CRACD: variants seen among roughly 807,000 people sequenced by gnomAD.
CRACD encodes the protein capping protein inhibiting regulator of actin dynamics.
Under a neutral mutation model 106.8 loss-of-function variants are expected in CRACD, and 56 were observed. That is an observed-to-expected ratio of 0.52 (90% CI 0.42 to 0.66). The LOEUF is 0.66. Among genes scored for constraint, CRACD ranks in the 30% least tolerant of loss-of-function variants. The pLI is 0.00. For missense variants in CRACD, 1,730 were observed against 1,623.2 expected (o/e 1.07, Z -1.13); for synonymous variants, 754 against 670.8 (o/e 1.12, Z -1.92).
intron 1 of CRACD, among the ~76,000 whole-genome samples, chr4:56,112,849 G>T (rs1734163858): frequency 6.6e-6 from 1 of 151,928 alleles, no homozygotes; most frequent in Non-Finnish European, 1.5e-5. Flanking sequence ...ATGCTTGGAG[G>T]GCCCCATGGG....
Position 56,323,545 on chromosome 4 carries a change from C to T in CRACD, c.3356C>T (p.Ala1119Val). The change falls in exon 9 of 11, where the codon GCA (alanine) becomes GTA (valine). Residue 1119 changes from alanine to valine, a missense_variant. Physicochemically the swap from Ala to Val is moderately conservative, Grantham distance 64. Coordinates refer to ENST00000682029, the MANE Select transcript of CRACD (RefSeq NM_001393381.1). ...AAGCAAGCCAGAGAGGCCAAACAGG[C>T]AGAAAAGCTCTCCAAAGAAAATGTG... ...ERKQAREAKQAEKLSKENVSV... is the reference protein window; with the variant it reads ...ERKQAREAKQVEKLSKENVSV... The T allele has an allele frequency of 6.3e-7, 1 of 1,580,082 alleles. No individual in the cohort carries two copies.
At chr4:56,172,246 G>C (rs1736399781) in intron 1 of CRACD, among the ~76,000 whole-genome samples, 1 of 152,090 alleles carries the variant, frequency 6.6e-6, no homozygotes, top group Non-Finnish European at 1.5e-5. Context: ...ACTGCTCAAA[G>C]TGACCACATT....
chr4:56,140,006 A>G (rs2109876074), intron 1 of CRACD, among the ~76,000 whole-genome samples: 1 of 152,254 alleles, frequency 6.6e-6, no homozygotes, highest in South Asian at 2.1e-4. Context: ...TGTTTTCGCA[A>G]ATTTTTTCCT....
At chr4:56,134,119 T>C (rs1179778998) in intron 1 of CRACD, among the ~76,000 whole-genome samples, 2 of 151,872 alleles carry the variant, frequency 1.3e-5, no homozygotes, top group Non-Finnish European at 2.9e-5. Flanking sequence ...GAGGATCACC[T>C]GAGCCCAGGA....
intron 9 of CRACD, 23 bp from the exon 10 acceptor site, chr4:56,324,081 C>T: frequency 6.3e-7 from 1 of 1,587,900 alleles, no homozygotes; most frequent in Non-Finnish European, 8.6e-7. Flanking sequence ...ACATGTTTCC[C>T]ATGACTGTCT....
intron 2 of CRACD, among the ~76,000 whole-genome samples, chr4:56,195,530 A>G (rs1233648368): frequency 6.6e-6 from 1 of 152,236 alleles, no homozygotes; most frequent in African/African-American, 2.4e-5. Context: ...CTATGGGCAT[A>G]TGCTAGAAAA....
chr4:56,311,488 C>T (rs551422813), intron 6 of CRACD: 4 of 152,288 alleles, frequency 2.6e-5, no homozygotes, highest in African/African-American at 4.8e-5. Context: ...CATTTGGCTC[C>T]GACTCCTTTT....
intron 3 of CRACD, among the ~76,000 whole-genome samples, chr4:56,280,200 G>A (rs1028529194): frequency 2.1e-4 from 31 of 150,802 alleles, no homozygotes; most frequent in Non-Finnish European, 4.3e-4. Context: ...GTTAAATGAC[G>A]AGTTAATGGG....
At chr4:56,191,389 CTTCCTCCCTCCCTCCCTCTG>C (rs1737361624) in intron 2 of CRACD, among the ~76,000 whole-genome samples, 1 of 151,902 alleles carries the variant, frequency 6.6e-6, no homozygotes, top group Non-Finnish European at 1.5e-5. Flanking sequence ...CCCTCCCTCC[CTTCCTCCCTCCCTCCCTCTG>C]TTCCTCCCTG....
chr4:56,078,396 C>T (rs115546079), intron 1 of CRACD, among the ~76,000 whole-genome samples: 3,662 of 151,888 alleles, frequency 0.024, 65 homozygotes, highest in Admixed American at 0.058. Flanking sequence ...GAACAGGATA[C>T]CATTTGGTCC....
Position 56,314,851 on chromosome 4 carries a change from T to C in CRACD, c.1349T>C (p.Ile450Thr), listed in dbSNP as rs1192674173. The C allele has an allele frequency of 6.2e-7, 1 of 1,611,810 alleles. No individual in the cohort carries two copies. ...GQREHSEEPG[I>T]CEEQNPEAER... ...AGAGAACACTCCGAGGAGCCAGGTA[T>C]TTGCGAGGAGCAGAACCCAGAGGCC... Residue 450 changes from isoleucine (I) to threonine (T), a missense_variant, in exon 8 of 11, where the codon ATT becomes ACT. By Grantham distance (89) the Ile-to-Thr change is moderately conservative. Transcript: ENST00000682029. The surrounding 1 kb of genome is among the most constrained non-coding windows in gnomAD (Gnocchi z 4.4).
chr4:56,238,265 G>A (rs1046249867), intron 2 of CRACD, among the ~76,000 whole-genome samples: 2 of 152,196 alleles, frequency 1.3e-5, no homozygotes, highest in African/African-American at 4.8e-5. Context: ...TGCCAGTGCT[G>A]GGAAGAGTTG....
intron 2 of CRACD, among the ~76,000 whole-genome samples, chr4:56,228,607 CAA>C (rs35810086): frequency 0.26 from 26,510 of 101,068 alleles, 2,785 homozygotes; most frequent in Non-Finnish European, 0.33. Context: ...CCATCTCTAC[CAA>C]AAAAAAAAAA....
intron 4 of CRACD, among the ~76,000 whole-genome samples, chr4:56,306,310 T>G (rs1038760294): frequency 3.3e-5 from 5 of 151,864 alleles, no homozygotes; most frequent in African/African-American, 1.2e-4. Context: ...CCTGGGCAAC[T>G]TGTTGAAACC....
chr4:56,185,672 AG>A (rs1190536283), intron 2 of CRACD, among the ~76,000 whole-genome samples: 2 of 152,200 alleles, frequency 1.3e-5, no homozygotes, highest in African/African-American at 4.8e-5. Context: ...ATAGCAGTTT[AG>A]AATTTAGTTA....
chr4:56,179,542 A>G (rs1038689598), intron 2 of CRACD, 112 bp downstream of exon 2: 5 of 152,232 alleles, frequency 3.3e-5, no homozygotes, highest in Admixed American at 2.6e-4. Context: ...TTCACTGAAT[A>G]TCAGGACAAG....
intron 2 of CRACD, among the ~76,000 whole-genome samples, chr4:56,209,437 T>C (rs1276331624): frequency 6.6e-6 from 1 of 152,154 alleles, no homozygotes; most frequent in Non-Finnish European, 1.5e-5. Context: ...TTTTATATAC[T>C]ATACAGAATT....
At chr4:56,290,803 C>T (rs1389020368) in intron 3 of CRACD, among the ~76,000 whole-genome samples, 1 of 152,146 alleles carries the variant, frequency 6.6e-6, no homozygotes, top group African/African-American at 2.4e-5. Context: ...GCTCTTGGGA[C>T]CTCCAATCCA....
At chr4:56,091,628 G>A (rs76157017) in intron 1 of CRACD, among the ~76,000 whole-genome samples, 2,456 of 152,206 alleles carry the variant, frequency 0.016, 76 homozygotes, top group African/African-American at 0.056. Context: ...GGGCGTTTGA[G>A]GAGGTTTTGC....
Sources: allele counts gnomAD v4.1 joint callset (sites outside exome capture counted in the v4.1 genomes callset), GRCh38; gene constraint gnomAD v4.1.1; non-coding constraint Gnocchi (gnomAD v3.1); transcripts MANE v1.5; gene names NCBI Gene and HGNC (gene_info 2026-07-23, HGNC 2026-07-21).